Variants in SLC6A15 observed in about 807,000 individuals in gnomAD.
SLC6A15 encodes the protein solute carrier family 6 member 15, also known as sodium-dependent neutral amino acid transporter B(0)AT2.
In SLC6A15, 33 loss-of-function variants were observed where a neutral mutation model predicts 68.5. That is an observed-to-expected ratio of 0.48 (90% CI 0.37 to 0.64). The LOEUF is 0.64. Among genes scored for constraint, SLC6A15 ranks in the 30% least tolerant of loss-of-function variants. The pLI is 0.00. For missense variants in SLC6A15, 747 were observed against 874.3 expected (o/e 0.85, Z 1.84); for synonymous variants, 347 against 301.0 (o/e 1.15, Z -1.58).
chr12:84,866,997 A>T (rs1248768368), intron 10 of SLC6A15, 37 bp downstream of exon 10: 1 of 1,416,940 alleles, frequency 7.1e-7, no homozygotes, highest in Admixed American at 2.4e-5. Context: ...TTCAAACTAG[A>T]GATTAAAAGT....
chr12:84,875,848 T>A (rs1209060913), intron 6 of SLC6A15, among the ~76,000 whole-genome samples: 1 of 150,558 alleles, frequency 6.6e-6, no homozygotes, highest in Non-Finnish European at 1.5e-5. Flanking sequence ...CTTGATGGAG[T>A]CTAATGAGAA....
intron 3 of SLC6A15, 81 bp from the exon 4 acceptor site, chr12:84,885,642 T>C (rs1007334372): frequency 7.3e-7 from 1 of 1,369,850 alleles, no homozygotes; most frequent in Non-Finnish European, 1.0e-6. Context: ...AAAATTTTAT[T>C]TAACATTTTA....
At chr12:84,883,313 A>G in intron 5 of SLC6A15, 1 of 987,322 alleles carries the variant, frequency 1.0e-6, no homozygotes, top group Non-Finnish European at 1.2e-6. Context: ...AAGGAATGAT[A>G]TTTAGTCTTT....
rs1870861684 is a variant in SLC6A15, at chr12:84,861,790, C to T, written c.2035G>A (p.Gly679Arg). ...LEGDDTSLIH[G>R]KIPSEMPSPN... ...GATGGCATCTCGCTCGGTATTTTTCCGTGAATGAGGCTTGTATCATCGCCC... is the reference window on the plus strand; with the variant it reads ...GATGGCATCTCGCTCGGTATTTTTCTGTGAATGAGGCTTGTATCATCGCCC... Residue 679 changes from glycine (G) to arginine (R), a missense_variant, in exon 12 of 12, where the codon GGA becomes AGA. Gly to Arg is a moderately radical substitution (Grantham distance 125). Transcript: ENST00000266682. 3.1e-6 allele frequency: 5 copies of T among 1,613,924 alleles called. No homozygotes were observed. The highest frequency in any genetic ancestry group is 2.5e-6 in the Non-Finnish European group (3 of 1,179,930).
intron 5 of SLC6A15, chr12:84,880,890 T>C: frequency 8.2e-6 from 8 of 978,864 alleles, no homozygotes; most frequent in Non-Finnish European, 9.7e-6. Flanking sequence ...ACCTTCAGAA[T>C]GTATCATTCT....
At chr12:84,902,828 G>T (rs76563700) in intron 1 of SLC6A15, among the ~76,000 whole-genome samples, 5,174 of 152,102 alleles carry the variant, frequency 0.034, 272 homozygotes, top group African/African-American at 0.11. Context: ...CATATTCATG[G>T]TTTGAAGAGT....
At chr12:84,901,827 G>GA (rs147946163) in intron 1 of SLC6A15, among the ~76,000 whole-genome samples, 6,248 of 151,040 alleles carry the variant, frequency 0.041, 404 homozygotes, top group African/African-American at 0.14. Context: ...AAATTTCACT[G>GA]AAAAAAAAGT....
chr12:84,907,102 C>G (rs1308824422), intron 1 of SLC6A15, among the ~76,000 whole-genome samples: 1 of 152,150 alleles, frequency 6.6e-6, no homozygotes, highest in African/African-American at 2.4e-5. Context: ...GTAATCCCAG[C>G]ACTTTGGGAG....
chr12:84,893,202 A>G (rs1872497066), intron 1 of SLC6A15, among the ~76,000 whole-genome samples: 1 of 152,208 alleles, frequency 6.6e-6, no homozygotes, highest in Admixed American at 6.5e-5. Flanking sequence ...ACATCAAATA[A>G]CAATTCTGTA....
rs184725754 is a variant in SLC6A15, at chr12:84,905,034, G to A, written c.-189+7489C>T. Among the ~76,000 whole-genome samples the A allele has an allele frequency of 5.9e-3, 895 of 152,220 alleles. 7 individuals carry two copies. Among genetic ancestry groups the A allele is most frequent in the South Asian group, 0.012 (59 of 4,828 alleles). ...TACACAATCTCTTCAGGCAATAGAA[G>A]ATGATAGAATAATTTGTATTTCATT... On this transcript the variant is annotated intron_variant, in intron 1 of 11. Coordinates refer to ENST00000266682, the MANE Select transcript of SLC6A15 (RefSeq NM_182767.6).
intron 9 of SLC6A15, among the ~76,000 whole-genome samples, chr12:84,868,121 C>A (rs1001684747): frequency 2.3e-4 from 35 of 152,122 alleles, no homozygotes; most frequent in African/African-American, 8.2e-4. Context: ...CACTCCCTAA[C>A]AATTTCAGCA....
chr12:84,870,427 A>T (rs780985113), intron 9 of SLC6A15, 51 bp downstream of exon 9: 1 of 1,320,982 alleles, frequency 7.6e-7, no homozygotes, highest in Admixed American at 2.7e-5. Context: ...TTTCACCAAG[A>T]ATAAAATGGC....
At chr12:84,902,802 T>A (rs569120234) in intron 1 of SLC6A15, among the ~76,000 whole-genome samples, 146 of 152,172 alleles carry the variant, frequency 9.6e-4, no homozygotes, top group African/African-American at 3.5e-3. Context: ...AATAACATAA[T>A]TATAGAAATA....
chr12:84,895,340 T>TG (rs142629134), intron 1 of SLC6A15, among the ~76,000 whole-genome samples: 1 of 49,482 alleles, frequency 2.0e-5, no homozygotes, highest in African/African-American at 1.8e-4. Context: ...TTTGTTTGTA[T>TG]TTTTTTTTTT....
At position 84,883,923 on chromosome 12, in the gene SLC6A15, C is replaced by A. The variant is rs2120636341; in HGVS notation, c.692G>T (p.Cys231Phe). 6.2e-7 allele frequency: 1 copy of A among 1,614,110 alleles called. No individual in the cohort carries two copies. The highest frequency in any genetic ancestry group is 8.5e-7 in the Non-Finnish European group (1 of 1,179,988). ...AACCATGACCCAGGCAGCCAACAAG[C>A]AGATGGTCATCTTCCAGTTTAAGCC... is the stretch of plus-strand genomic sequence containing the variant. Reference protein sequence around the residue: ...SGGLNWKMTICLLAAWVMVCL... With the variant: ...SGGLNWKMTIFLLAAWVMVCL... Residue 231 changes from cysteine (C) to phenylalanine (F), a missense_variant, in exon 5 of 12, where the codon TGC (cysteine) becomes TTC (phenylalanine). Coordinates refer to ENST00000266682, the MANE Select transcript of SLC6A15 (RefSeq NM_182767.6).
chr12:84,882,931 A>G, intron 5 of SLC6A15: 1 of 762,628 alleles, frequency 1.3e-6, no homozygotes, highest in Non-Finnish European at 1.6e-6. Context: ...TATTGTTATT[A>G]TGACTACTTC....
intron 10 of SLC6A15, among the ~76,000 whole-genome samples, chr12:84,864,308 C>G (rs1239536162): frequency 1.3e-5 from 2 of 149,306 alleles, no homozygotes; most frequent in Non-Finnish European, 3.0e-5. Flanking sequence ...CTCTTGAGTC[C>G]ATTCTTTCTT....
rs199549791 is a variant in SLC6A15, at chr12:84,861,619, A to C, written c.*13T>G. On this transcript the variant is annotated 3_prime_UTR_variant, in exon 12 of 12. Transcript: ENST00000266682. Reference sequence around the variant, plus strand: ...AAAATGAACCAAATAAAACCCACTGACTTTTCCCCCAGCTACAAATCAGAT... The same window carrying C: ...AAAATGAACCAAATAAAACCCACTGCCTTTTCCCCCAGCTACAAATCAGAT... The C allele has an allele frequency of 6.1e-5, 96 of 1,578,508 alleles. No individual in the cohort carries two copies. Among genetic ancestry groups the C allele is most frequent in the Non-Finnish European group, 8.6e-7 (1 of 1,159,336 alleles).
At chr12:84,864,941 T>C (rs566710551) in intron 10 of SLC6A15, among the ~76,000 whole-genome samples, 1 of 152,300 alleles carries the variant, frequency 6.6e-6, no homozygotes, top group East Asian at 1.9e-4. Context: ...CTATTAGTAG[T>C]AGTATTTTTT....
Sources: allele counts gnomAD v4.1 joint callset (sites outside exome capture counted in the v4.1 genomes callset), GRCh38; gene constraint gnomAD v4.1.1; transcripts MANE v1.5; gene names NCBI Gene and HGNC (gene_info 2026-07-23, HGNC 2026-07-21).